The following PAOX variants were observed in gnomAD, a reference collection of about 807,000 sequenced individuals.
PAOX encodes the protein polyamine oxidase, also known as peroxisomal N(1)-acetyl-spermine/spermidine oxidase.
Under a neutral mutation model 39.0 loss-of-function variants are expected in PAOX, and 38 were observed. The observed-to-expected ratio is 0.97, with a 90% CI of 0.75 to 1.28. PAOX has a LOEUF of 1.28. Among genes scored for constraint, PAOX ranks in the 50% most tolerant of loss-of-function variants. The probability of loss-of-function intolerance (pLI) is 0.00; values close to 1 mark genes in which losing one functional copy is unlikely to be tolerated. For synonymous variants in PAOX, 311 were observed against 314.4 expected, an observed-to-expected ratio of 0.99 and a Z score of 0.11; for missense variants, 667 against 685.7, an observed-to-expected ratio of 0.97 and a Z score of 0.30.
At chr10:133,383,181 G>A (rs767147088) in intron 3 of PAOX, among the ~76,000 whole-genome samples, 7 of 151,884 alleles carry the variant, frequency 4.6e-5, no homozygotes, top group East Asian at 3.9e-4. Context: ...GCGAAACTCC[G>A]TCTCAAAAAA....
intron 6 of PAOX, chr10:133,390,889 C>T: frequency 3.0e-6 from 2 of 667,426 alleles, no homozygotes; most frequent in African/African-American, 1.8e-5. Context: ...TGTTTACACC[C>T]CTTGTTTTCT....
At position 133,384,273 on chromosome 10, in the gene PAOX, G is replaced by A; in HGVS notation, c.1121+61G>A. On this transcript the variant is annotated intron_variant, in intron 4 of 6. Transcript: ENST00000278060. This position sits in a 1 kb window ranked among gnomAD's most constrained non-coding sequence, Gnocchi z 4.3. ...GGCTCATAGGCCTTCATCTGATGGA[G>A]GACGCAGCAGTGTGTCTGTTCACTG... The A allele has an allele frequency of 6.3e-7, 1 of 1,584,314 alleles. No homozygotes were observed. The highest frequency in any genetic ancestry group is 8.6e-7 in the Non-Finnish European group (1 of 1,163,068).
intron 3 of PAOX, among the ~76,000 whole-genome samples, chr10:133,382,162 G>A (rs539310465): frequency 3.9e-5 from 6 of 152,208 alleles, no homozygotes; most frequent in Admixed American, 6.5e-5. Flanking sequence ...TGCTTCCCAC[G>A]GGTTTCACGC....
intron 5 of PAOX, 78 bp downstream of exon 5, chr10:133,389,146 G>A (rs914795275): frequency 7.1e-6 from 9 of 1,266,928 alleles, no homozygotes; most frequent in African/African-American, 3.0e-5. Flanking sequence ...AGACTTTGCA[G>A]AACAGAGAAA....
rs897244061 is a variant in PAOX at position 133,389,735 on chromosome 10, C to T, written c.1380C>T (p.Gly460=). The T allele has an allele frequency of 8.4e-6, 13 of 1,543,882 alleles. No homozygotes were observed. The highest frequency in any genetic ancestry group is 5.6e-5 in the African/African-American group (4 of 72,010). The change falls in exon 6 of 7, where the codon GGC becomes GGT. Residue 460 remains glycine, a synonymous_variant. Coordinates refer to ENST00000278060, the MANE Select transcript of PAOX (RefSeq NM_152911.4). The part of the protein sequence containing the change: ...DLLAQPLPAD[G]AGAQLQILFA... ...TGGCTCAGCCCCTCCCTGCAGACGG[C>T]GCCGGCGCCCAGGTATGTGGCGTGC...
rs370938853 is a variant in PAOX, at chr10:133,389,618, C to T, written c.1263C>T (p.Ser421=). 5.0e-6 allele frequency: 8 copies of T among 1,613,686 alleles called. No homozygotes were observed. The highest frequency in any genetic ancestry group is 1.1e-5 in the South Asian group (1 of 91,086). ...ACCCACGGCTCCCCGCGCCCAAGAG[C>T]GTCCTGCGGTCTCGCTGGCACAGCG... The part of the protein sequence containing the change: ...TGNPRLPAPK[S]VLRSRWHSAP... Residue 421 remains serine, a synonymous_variant, in exon 6 of 7, where the codon AGC becomes AGT. Transcript: ENST00000278060.
chr10:133,391,133 T>G, intron 6 of PAOX, 179 bp from the exon 7 acceptor site: 3 of 714,034 alleles, frequency 4.2e-6, no homozygotes, highest in Non-Finnish European at 7.6e-6. Flanking sequence ...TGGATGTGTG[T>G]GAGCTGTTTT....
At chr10:133,390,807 C>T in intron 6 of PAOX, 1 of 600,348 alleles carries the variant, frequency 1.7e-6, no homozygotes, top group South Asian at 2.0e-5. Context: ...TTCCTCTGCC[C>T]ACCCGACTCC....
In PAOX at chr10:133,389,445, G is replaced by C. The variant is rs1428824566; in HGVS notation, c.1235-145G>C. 11 of 1,234,354 alleles carry C rather than the reference G, an allele frequency of 8.9e-6. No homozygotes were observed. The Admixed American group carries it at 2.4e-4, about 27-fold the overall frequency. The allele number at this position is 1,234,354 out of a possible 1,614,324, so 76.5% of individuals were successfully genotyped here. A position where few individuals can be genotyped will look rare whatever the true frequency, so the allele number is the denominator to read the frequency against. ...TCTCGGGTCAGAGGCGGCAGGAAGAGCCTCTCCTGACACACTCTGCTGCTC... is the reference window on the plus strand; with the variant it reads ...TCTCGGGTCAGAGGCGGCAGGAAGACCCTCTCCTGACACACTCTGCTGCTC... On this transcript the variant is annotated intron_variant, in intron 5 of 6. Coordinates refer to ENST00000278060, the MANE Select transcript of PAOX (RefSeq NM_152911.4).
chr10:133,391,238 A>G, intron 6 of PAOX, 74 bp from the exon 7 acceptor site: 1 of 1,471,508 alleles, frequency 6.8e-7, no homozygotes, highest in East Asian at 2.3e-5. Context: ...CTTGTGAGCC[A>G]TTTTCTGTGT....
chr10:133,380,304 A>T lies in PAOX; in HGVS notation c.487A>T (p.Ile163Phe), dbSNP rs756653257. The T allele has an allele frequency of 6.2e-7, 1 of 1,612,862 alleles. No homozygotes were observed. Among genetic ancestry groups the T allele is most frequent in the South Asian group, 1.1e-5 (1 of 91,086 alleles). Residue 163 changes from isoleucine (I) to phenylalanine (F), a missense_variant, in exon 2 of 7, where the codon ATT becomes TTT. Ile to Phe is a conservative substitution (Grantham distance 21). Transcript: ENST00000278060. ...PSVGEYLKKE[I>F]GQHVAGWTED... The stretch of plus-strand genomic sequence containing the variant: ...CGTCGGGGAGTACCTCAAGAAGGAG[A>T]TTGGCCAGCACGTGGCCGGCTGGAC...
chr10:133,386,043 G>C (rs1282776392), intron 4 of PAOX, among the ~76,000 whole-genome samples: 1 of 132,440 alleles, frequency 7.6e-6, no homozygotes, highest in Non-Finnish European at 1.6e-5. Flanking sequence ...TTTGAGACAA[G>C]GTCTCTCTGT....
At chr10:133,387,697 T>C (rs1259985566) in intron 4 of PAOX, among the ~76,000 whole-genome samples, 1 of 152,254 alleles carries the variant, frequency 6.6e-6, no homozygotes, top group African/African-American at 2.4e-5. Flanking sequence ...AGGAGTGTTC[T>C]ATGCGGATCC....
At position 133,380,232 on chromosome 10, in the gene PAOX, G is replaced by A. The variant is rs1849324316; in HGVS notation, c.415G>A (p.Asp139Asn). Reference sequence around the variant, plus strand: ...GGCGACTCTGTTCTACGGCCTGATAGACCAGACCCGGGAGTTCCTGCACGC... The same window carrying A: ...GGCGACTCTGTTCTACGGCCTGATAAACCAGACCCGGGAGTTCCTGCACGC... ...EMATLFYGLI[D>N]QTREFLHAAE... Residue 139 changes from aspartate (D) to asparagine (N), a missense_variant, in exon 2 of 7, where the codon GAC becomes AAC. Coordinates refer to ENST00000278060, the MANE Select transcript of PAOX (RefSeq NM_152911.4). The A allele has an allele frequency of 6.2e-7, 1 of 1,612,766 alleles. No homozygotes were observed. The highest frequency in any genetic ancestry group is 8.5e-7 in the Non-Finnish European group (1 of 1,180,022).
chr10:133,379,852 G>A lies in PAOX; in HGVS notation c.182-147G>A, dbSNP rs904595763. The A allele has an allele frequency of 2.3e-5, 25 of 1,098,008 alleles. No homozygotes were observed. In the East Asian group the frequency reaches 5.6e-4, roughly 25 times the overall value. 68.0% of individuals were successfully genotyped at this position (1,098,008 alleles called of 1,614,324 possible). Reference sequence around the variant, plus strand: ...CTCCCCTTAAACTGGGTCTGACAGGGCCCTGCCCTGGGGGACCACAGGGCC... The same window carrying A: ...CTCCCCTTAAACTGGGTCTGACAGGACCCTGCCCTGGGGGACCACAGGGCC... On this transcript the variant is annotated intron_variant, in intron 1 of 6. Coordinates refer to ENST00000278060, the MANE Select transcript of PAOX (RefSeq NM_152911.4).
Position 133,379,496 on chromosome 10 carries a change from C to G in PAOX, c.180C>G (p.Phe60Leu). ...GCCGCATCCGCTCGGAGCGCTGCTT[C>G]GGTAACCGCCCCTCCCGGAGCCCCT... is the stretch of plus-strand genomic sequence containing the variant. ...AGGRIRSERC[F>L]GGVVEVGAHW... Residue 60 changes from phenylalanine (F) to leucine (L), a missense_variant and splice_region_variant, in exon 1 of 7, where the codon TTC (phenylalanine) becomes TTG (leucine). Physicochemically the swap from Phe to Leu is conservative, Grantham distance 22. Coordinates refer to ENST00000278060, the MANE Select transcript of PAOX (RefSeq NM_152911.4). The G allele has an allele frequency of 8.2e-7, 1 of 1,225,476 alleles. No homozygotes were observed. The highest frequency in any genetic ancestry group is 1.0e-6 in the Non-Finnish European group (1 of 984,034). The allele number at this position is 1,225,476 out of a possible 1,614,324, so 75.9% of individuals were successfully genotyped here.
In PAOX at chr10:133,391,513, T is replaced by C; in HGVS notation, c.*58T>C. ...GGGGGTAGGCTGGGACCCTCATTTCTTCTGACAGATTTCAGTCTGGCTTGA... is the reference window on the plus strand; with the variant it reads ...GGGGGTAGGCTGGGACCCTCATTTCCTCTGACAGATTTCAGTCTGGCTTGA... On this transcript the variant is annotated 3_prime_UTR_variant, in exon 7 of 7. Coordinates refer to ENST00000278060, the MANE Select transcript of PAOX (RefSeq NM_152911.4). 6.5e-7 allele frequency: 1 copy of C among 1,535,650 alleles called. No homozygotes were observed.
At position 133,384,212 on chromosome 10, in the gene PAOX, C is replaced by T. The variant is rs749730243; in HGVS notation, c.1121C>T (p.Ala374Val). 22 of 1,612,542 alleles carry T rather than the reference C, an allele frequency of 1.4e-5. No homozygotes were observed. Among genetic ancestry groups the T allele is most frequent in the African/African-American group, 1.1e-4 (8 of 74,884 alleles). ...GGCTTTGTGGTCCTGCCTGCCTTTG[C>T]GTACGTTTGCTCCCTGAGAAGTTCT... is the stretch of plus-strand genomic sequence containing the variant. Reference protein sequence around the residue: ...LIGFVVLPAFASVHVLCGFIA... With the variant: ...LIGFVVLPAFVSVHVLCGFIA... Residue 374 changes from alanine (A) to valine (V), a missense_variant and splice_region_variant, in exon 4 of 7, where the codon GCG (alanine) becomes GTG (valine). Transcript: ENST00000278060. This position sits in a 1 kb window ranked among gnomAD's most constrained non-coding sequence, Gnocchi z 4.3.
chr10:133,383,048 G>A (rs1849433381), intron 3 of PAOX: 2 of 151,262 alleles, frequency 1.3e-5, no homozygotes, highest in African/African-American at 4.9e-5. Context: ...ACAAAAATTA[G>A]CCGTCGGGTG....
Sources: gnomAD v4.1 joint callset for allele counts (sites outside exome capture counted in the v4.1 genomes callset) on GRCh38, gnomAD v4.1.1 for gene constraint, Gnocchi (gnomAD v3.1) non-coding constraint, MANE v1.5 for transcripts, NCBI Gene and HGNC (gene_info 2026-07-23, HGNC 2026-07-21) for gene names.